The following TRABD2B variants were observed in gnomAD, a reference collection of about 807,000 sequenced individuals.
TRABD2B encodes the protein TraB domain containing 2B, also known as metalloprotease TIKI2.
TRABD2B carries 14 observed loss-of-function variants against 40.1 expected under a neutral mutation model. That is an observed-to-expected ratio of 0.35 (90% CI 0.23 to 0.55). The LOEUF (loss-of-function observed/expected upper bound fraction) is 0.55. Ranked by LOEUF, TRABD2B falls within the 20% of genes least tolerant of loss-of-function variation. TRABD2B has a pLI of 0.90. For missense variants in TRABD2B, 541 were observed against 648.6 expected, an observed-to-expected ratio of 0.83 and a Z score of 1.80; for synonymous variants, 263 against 277.0, an observed-to-expected ratio of 0.95 and a Z score of 0.50.
intron 4 of TRABD2B, among the ~76,000 whole-genome samples, chr1:47,790,406 T>C (rs964488454): frequency 1.3e-5 from 2 of 152,130 alleles, no homozygotes; most frequent in Non-Finnish European, 2.9e-5. Flanking sequence ...AGGGCTTCCA[T>C]CTGGGCCCCC....
intron 2 of TRABD2B, among the ~76,000 whole-genome samples, chr1:47,906,517 C>A (rs1432887675): frequency 6.6e-6 from 1 of 152,216 alleles, no homozygotes; most frequent in Non-Finnish European, 1.5e-5. Flanking sequence ...TGCCTTTCTT[C>A]CCCTCTTCTC....
chr1:47,766,157 G>A (rs1644300065), intron 6 of TRABD2B, 51 bp from the exon 7 acceptor site: 1 of 698,806 alleles, frequency 1.4e-6, no homozygotes, highest in African/African-American at 1.8e-5. Context: ...CCTCGTCCTG[G>A]GCAGAAGCCT....
At chr1:47,882,805 T>C (rs1644323252) in intron 2 of TRABD2B, among the ~76,000 whole-genome samples, 2 of 151,950 alleles carry the variant, frequency 1.3e-5, no homozygotes, top group African/African-American at 4.8e-5. Flanking sequence ...GGGGAAATTT[T>C]TTATTTGAGG....
intron 2 of TRABD2B, among the ~76,000 whole-genome samples, chr1:47,851,876 A>G (rs1431583349): frequency 6.6e-6 from 1 of 152,246 alleles, no homozygotes; most frequent in African/African-American, 2.4e-5. Flanking sequence ...AAATAGCTCA[A>G]TATAACTCAG....
At chr1:47,960,638 G>T (rs1645498797) in intron 2 of TRABD2B, among the ~76,000 whole-genome samples, 1 of 152,020 alleles carries the variant, frequency 6.6e-6, no homozygotes, top group South Asian at 2.1e-4. Flanking sequence ...AAAATACCTA[G>T]GAATCCAACT....
chr1:47,895,784 T>C (rs1460262761), intron 2 of TRABD2B, among the ~76,000 whole-genome samples: 1 of 152,192 alleles, frequency 6.6e-6, no homozygotes, highest in African/African-American at 2.4e-5. Flanking sequence ...GGGCAGAGAT[T>C]TCCTCAGGTC....
rs1644432135 is a variant in TRABD2B at position 47,775,414 on chromosome 1, A to T, written c.1105T>A (p.Ser369Thr). Residue 369 changes from serine (S) to threonine (T), a missense_variant, in exon 6 of 7, where the codon TCT (serine) becomes ACT (threonine). Physicochemically the swap from Ser to Thr is moderately conservative, Grantham distance 58. Transcript: ENST00000606738. ...HSPAPQSPAP[S>T]PEGTSTSPAP... ...GGGCTCGTCGAGGTCCCCTCAGGAG[A>T]GGGCGCTGGGCTCTGGGGGGCAGGG... is the stretch of plus-strand genomic sequence containing the variant. 1.6e-6 allele frequency: 2 copies of T among 1,235,632 alleles called. No individual in the cohort carries two copies. The highest frequency in any genetic ancestry group is 8.0e-5 in the South Asian group (2 of 25,068). The allele number at this position is 1,235,632 out of a possible 1,614,324, so 76.5% of individuals were successfully genotyped here.
At chr1:47,798,360 G>T (rs1441259727) in intron 3 of TRABD2B, among the ~76,000 whole-genome samples, 2 of 152,210 alleles carry the variant, frequency 1.3e-5, no homozygotes, top group Non-Finnish European at 2.9e-5. Flanking sequence ...ATAAATGCAT[G>T]CAGCAACTCT....
At chr1:47,924,935 C>G (rs1372435199) in intron 2 of TRABD2B, among the ~76,000 whole-genome samples, 2 of 152,210 alleles carry the variant, frequency 1.3e-5, no homozygotes, top group Admixed American at 6.5e-5. Flanking sequence ...CTGTCTGCAA[C>G]CAGAGGCAGC....
intron 2 of TRABD2B, among the ~76,000 whole-genome samples, chr1:47,804,966 G>T (rs543941900): frequency 3.4e-4 from 52 of 152,310 alleles, no homozygotes; most frequent in African/African-American, 1.2e-3. Flanking sequence ...CCTGCAGCAG[G>T]GACTTCTGCA....
At chr1:47,833,565 C>G (rs1425747196) in intron 2 of TRABD2B, among the ~76,000 whole-genome samples, 1 of 152,194 alleles carries the variant, frequency 6.6e-6, no homozygotes, top group Non-Finnish European at 1.5e-5. Context: ...CTCTTGGTAG[C>G]TGGAGTAATC....
At position 47,765,879 on chromosome 1, in the gene TRABD2B, T is replaced by A. The variant is rs1199316352; in HGVS notation, c.*23A>T. ...AAGACCCCTGTGTCATTTCTCTGGC[T>A]TCTCCACTTGGGGTGGCCGAGGTCA... On this transcript the variant is annotated 3_prime_UTR_variant, in exon 7 of 7. Coordinates refer to ENST00000606738, the MANE Select transcript of TRABD2B (RefSeq NM_001194986.2). 2 of 702,924 alleles carry A rather than the reference T, an allele frequency of 2.8e-6. No individual in the cohort carries two copies. The allele number at this position is 702,924 out of a possible 1,614,324, so 43.5% of individuals were successfully genotyped here.
At chr1:47,829,176 C>T (rs945228858) in intron 2 of TRABD2B, among the ~76,000 whole-genome samples, 1 of 152,146 alleles carries the variant, frequency 6.6e-6, no homozygotes, top group African/African-American at 2.4e-5. Flanking sequence ...CAAATGCTTA[C>T]AAGAGGCTAA....
chr1:47,939,154 T>C (rs12057681), intron 2 of TRABD2B, among the ~76,000 whole-genome samples: 1 of 151,704 alleles, frequency 6.6e-6, no homozygotes, highest in Non-Finnish European at 1.5e-5. Flanking sequence ...CCCAGGATTC[T>C]GTAATTATCA....
rs1217087742 is a variant in TRABD2B, at chr1:47,764,189, C to T, written c.*1713G>A. 2 of 152,260 alleles carry T rather than the reference C, an allele frequency of 1.3e-5. No homozygotes were observed. The highest frequency in any genetic ancestry group is 2.4e-5 in the African/African-American group (1 of 41,468). The allele number at this position is 152,260 out of a possible 1,614,324, so 9.4% of individuals were successfully genotyped here. On this transcript the variant is annotated 3_prime_UTR_variant, in exon 7 of 7. Transcript: ENST00000606738. ...TGCCATCAAGCCTGCCAGGGAAACC[C>T]ACGAAGCTATAAAGTTGGGGTGCAC...
chr1:47,877,993 G>A (rs997871044), intron 2 of TRABD2B, among the ~76,000 whole-genome samples: 38 of 149,856 alleles, frequency 2.5e-4, no homozygotes, highest in Admixed American at 2.2e-3. Flanking sequence ...GACAGAGCAA[G>A]TCTCCATCTC....
At chr1:47,790,540 G>A (rs1206300155) in intron 4 of TRABD2B, among the ~76,000 whole-genome samples, 7 of 152,228 alleles carry the variant, frequency 4.6e-5, no homozygotes, top group Non-Finnish European at 1.5e-5. Context: ...GATGCTAAGA[G>A]TATTTCATGA....
intron 2 of TRABD2B, among the ~76,000 whole-genome samples, chr1:47,892,986 T>G (rs1208543421): frequency 6.6e-6 from 1 of 151,732 alleles, no homozygotes; most frequent in Non-Finnish European, 1.5e-5. Flanking sequence ...TGGTGGGGAG[T>G]GATTTATACA....
At chr1:47,865,739 C>T (rs568518215) in intron 2 of TRABD2B, among the ~76,000 whole-genome samples, 3 of 152,238 alleles carry the variant, frequency 2.0e-5, no homozygotes, top group East Asian at 3.9e-4. Flanking sequence ...ATCCTAGGCG[C>T]TTGTCACATC....
Sources: gnomAD v4.1 joint callset for allele counts (sites outside exome capture counted in the v4.1 genomes callset) on GRCh38, gnomAD v4.1.1 for gene constraint, MANE v1.5 for transcripts, NCBI Gene and HGNC (gene_info 2026-07-23, HGNC 2026-07-21) for gene names.